The following DDX23 variants were observed in gnomAD, a reference collection of about 807,000 sequenced individuals.
DDX23 encodes the protein probable ATP-dependent RNA helicase DDX23.
A neutral mutation model predicts 102.7 loss-of-function variants in DDX23; 33 were observed. The ratio of observed to expected loss-of-function variants is 0.32; its 90% CI spans 0.24 to 0.43. DDX23 has a LOEUF of 0.43. Ranked by LOEUF, DDX23 falls within the 20% of genes least tolerant of loss-of-function variation. The probability of loss-of-function intolerance (pLI) is 1.00; values close to 1 mark genes in which losing one functional copy is unlikely to be tolerated. For missense variants in DDX23, 549 were observed against 1,086.6 expected, an observed-to-expected ratio of 0.51 and a Z score of 6.96; for synonymous variants, 352 against 376.0, an observed-to-expected ratio of 0.94 and a Z score of 0.74.
chr12:48,842,580 C>T (rs1592203421), intron 3 of DDX23, among the ~76,000 whole-genome samples: 1 of 147,360 alleles, frequency 6.8e-6, no homozygotes, highest in African/African-American at 2.5e-5. Context: ...CCAGCCGCCC[C>T]GTCCAGGAGG....
chr12:48,845,697 T>G lies in DDX23; in HGVS notation c.86A>C (p.Glu29Ala). The change falls in exon 2 of 17, where the codon GAG becomes GCG. Residue 29 changes from glutamate (E) to alanine (A), a missense_variant. Physicochemically the swap from Glu to Ala is moderately radical, Grantham distance 107 (BLOSUM62 -1). Transcript: ENST00000308025. The part of the protein sequence containing the change: ...ERKRSRTPDR[E>A]RDRDRDRKSS... ...CTTCCGGTCCCGGTCTCTATCCCGC[T>G]CTCTGTCAGGAGTCCGTGATCGCTT... 6.2e-7 allele frequency: 1 copy of G among 1,614,232 alleles called. No individual in the cohort carries two copies.
intron 8 of DDX23, 81 bp downstream of exon 8, chr12:48,837,200 A>T: frequency 6.4e-7 from 1 of 1,555,464 alleles, no homozygotes; most frequent in East Asian, 2.3e-5. Flanking sequence ...AGCTTATCTT[A>T]CTTCCTCCAC....
rs142154488 is a variant in DDX23 at position 48,835,462 on chromosome 12, C to T, written c.1382+659G>A. Among the ~76,000 whole-genome samples the T allele has an allele frequency of 2.7e-3, 407 of 152,096 alleles. 1 individual carries two copies. The highest frequency in any genetic ancestry group is 8.9e-3 in the African/African-American group (369 of 41,486). The stretch of plus-strand genomic sequence containing the variant: ...CACTGGCTCACGCCTGTAATTCCAA[C>T]ACTTTGGGAGGCTGAGGCAGGCAGA... On this transcript the variant is annotated intron_variant, in intron 11 of 16. Coordinates refer to ENST00000308025, the MANE Select transcript of DDX23 (RefSeq NM_004818.3).
chr12:48,831,690 G>A (rs774882367), intron 15 of DDX23: 18 of 425,382 alleles, frequency 4.2e-5, no homozygotes, highest in Non-Finnish European at 7.7e-5. Flanking sequence ...CTCCCCTCAA[G>A]CACCAGTGAC....
At chr12:48,834,585 G>A (rs1237941158) in intron 11 of DDX23, 88 bp from the exon 12 acceptor site, 1 of 1,258,150 alleles carries the variant, frequency 7.9e-7, no homozygotes. Context: ...CTCTTACGGG[G>A]AGCAATGGGA....
At chr12:48,837,775 T>C (rs745914111) in intron 6 of DDX23, 118 bp from the exon 7 acceptor site, 113 of 1,530,146 alleles carry the variant, frequency 7.4e-5, no homozygotes, top group South Asian at 1.4e-4. Flanking sequence ...ACTTATGATA[T>C]GGGGTAAATG....
intron 1 of DDX23, 132 bp from the exon 2 acceptor site, chr12:48,845,914 T>C: frequency 4.0e-6 from 4 of 1,004,516 alleles, no homozygotes; most frequent in Non-Finnish European, 2.9e-6. Flanking sequence ...ATGAGAACGG[T>C]GGAGCTCAGG....
rs551179584 is a variant in DDX23, at chr12:48,839,771, G to A, written c.480+73C>T. 5.4e-4 allele frequency: 802 copies of A among 1,492,582 alleles called. 6 individuals carry two copies. The highest frequency in any genetic ancestry group is 3.0e-3 in the Middle Eastern group (15 of 5,066). 92.5% of individuals were successfully genotyped at this position (1,492,582 alleles called of 1,614,324 possible). On this transcript the variant is annotated intron_variant, in intron 5 of 16. Transcript: ENST00000308025. ...AACTGTGAGAAAATTAACTTCTGTC[G>A]TTGAAGTCACCCAGTCTGTGGTATT...
In DDX23 at chr12:48,830,286, CCT is replaced by C; in HGVS notation, c.*181_*182del. On this transcript the variant is annotated 3_prime_UTR_variant, in exon 17 of 17. Transcript: ENST00000308025. The surrounding 1 kb of genome is among the most constrained non-coding windows in gnomAD (Gnocchi z 4.9). ...CTCTCCCTGCCTCCGACAGCGTCGT[CCT>C]CTCCTTTTGCAGCCCCACACGCAGG... The C allele has an allele frequency of 1.3e-6, 1 of 761,988 alleles. No homozygotes were observed. The allele number at this position is 761,988 out of a possible 1,614,324, so 47.2% of individuals were successfully genotyped here. A position where few individuals can be genotyped will look rare whatever the true frequency, so the allele number is the denominator to read the frequency against.
intron 3 of DDX23, among the ~76,000 whole-genome samples, chr12:48,843,289 A>T (rs2137492301): frequency 6.7e-6 from 1 of 149,776 alleles, no homozygotes; most frequent in East Asian, 2.0e-4. Flanking sequence ...CCCAAGAATG[A>T]TCAATTAAAA....
chr12:48,833,129 G>A (rs1938416365), intron 13 of DDX23, 148 bp downstream of exon 13: 1 of 1,193,374 alleles, frequency 8.4e-7, no homozygotes, highest in Non-Finnish European at 1.2e-6. Context: ...CACCACAGGT[G>A]TGCACCACCA....
At position 48,830,109 on chromosome 12, in the gene DDX23, T is replaced by TACAG; in HGVS notation, c.*359_*360insCTGT. On this transcript the variant is annotated 3_prime_UTR_variant, in exon 17 of 17. Coordinates refer to ENST00000308025, the MANE Select transcript of DDX23 (RefSeq NM_004818.3). The surrounding 1 kb of genome is among the most constrained non-coding windows in gnomAD (Gnocchi z 4.9). ...TTATGCAGTTACACAGTCAAGTCTG[T>TACAG]GCCAAAGGAGGTCCCATCCGGCGGC... 1 of 442,768 alleles carries TACAG rather than the reference T, an allele frequency of 2.3e-6. No homozygotes were observed. The highest frequency in any genetic ancestry group is 4.4e-6 in the Non-Finnish European group (1 of 225,778). 27.4% of individuals were successfully genotyped at this position (442,768 alleles called of 1,614,324 possible). A position where few individuals can be genotyped will look rare whatever the true frequency, so the allele number is the denominator to read the frequency against.
intron 1 of DDX23, among the ~76,000 whole-genome samples, chr12:48,847,669 A>G (rs1938690538): frequency 6.6e-6 from 1 of 151,984 alleles, no homozygotes; most frequent in Non-Finnish European, 1.5e-5. Context: ...CTCTACTAAA[A>G]ATATAAAAAA....
At chr12:48,838,199 A>T (rs1182103410) in intron 5 of DDX23, 119 bp from the exon 6 acceptor site, 6 of 1,437,888 alleles carry the variant, frequency 4.2e-6, no homozygotes, top group Non-Finnish European at 5.7e-6. Flanking sequence ...CTGTTGAGGA[A>T]AACACAAATA....
rs1462879765 is a variant in DDX23, at chr12:48,832,213, T to C, written c.1956-27A>G. The C allele has an allele frequency of 5.0e-6, 8 of 1,610,956 alleles. No individual in the cohort carries two copies. ...TGGAAGGAAGAGGAGAAAAACAAGA[T>C]GCATAATACCTCCCACTCCAAGTGA... is the stretch of plus-strand genomic sequence containing the variant. On this transcript the variant is annotated intron_variant, in intron 14 of 16. Coordinates refer to ENST00000308025, the MANE Select transcript of DDX23 (RefSeq NM_004818.3). The surrounding 1 kb of genome is among the most constrained non-coding windows in gnomAD (Gnocchi z 4.4).
chr12:48,830,270 C>T lies in DDX23; in HGVS notation c.*199G>A. The stretch of plus-strand genomic sequence containing the variant: ...AAGCTGTGGTAATTTGCTCTCCCTG[C>T]CTCCGACAGCGTCGTCCTCTCCTTT... On this transcript the variant is annotated 3_prime_UTR_variant, in exon 17 of 17. Transcript: ENST00000308025. This position sits in a 1 kb window ranked among gnomAD's most constrained non-coding sequence, Gnocchi z 4.9. 1.4e-6 allele frequency: 1 copy of T among 716,838 alleles called. No homozygotes were observed. Among genetic ancestry groups the T allele is most frequent in the Non-Finnish European group, 2.5e-6 (1 of 402,834 alleles). 44.4% of individuals were successfully genotyped at this position (716,838 alleles called of 1,614,324 possible).
At chr12:48,845,429 TG>T in intron 2 of DDX23, 144 bp downstream of exon 2, 1 of 920,816 alleles carries the variant, frequency 1.1e-6, no homozygotes. Context: ...CACTCCAGTC[TG>T]GGTAACAAAC....
At chr12:48,840,977 A>G (rs1019138294) in intron 3 of DDX23, among the ~76,000 whole-genome samples, 6 of 152,124 alleles carry the variant, frequency 3.9e-5, no homozygotes, top group African/African-American at 1.4e-4. Flanking sequence ...TCCTTTCCCC[A>G]TACCTGCTCT....
In DDX23 at chr12:48,838,052, T is replaced by A. The variant is rs753586760; in HGVS notation, c.509A>T (p.Glu170Val). ...CTGCCGTCGCTTTAGAGCTTCAGCC[T>A]CTCGTTCTGCTTTAGAGAGGAACTT... Reference protein sequence around the residue: ...KPKFLSKAEREAEALKRRQQE... With the variant: ...KPKFLSKAERVAEALKRRQQE... The change falls in exon 6 of 17, where the codon GAG (glutamate) becomes GTG (valine). Residue 170 changes from glutamate to valine, a missense_variant. Glu to Val is a moderately radical substitution (Grantham distance 121). Around this residue, in one of 4 missense-constraint regions of DDX23, gnomAD observed 241 missense variants for 267.0 expected, o/e 0.90. Transcript: ENST00000308025. The A allele has an allele frequency of 1.2e-6, 2 of 1,614,226 alleles. No homozygotes were observed. Among genetic ancestry groups the A allele is most frequent in the South Asian group, 1.1e-5 (1 of 91,082 alleles).
Sources: allele counts gnomAD v4.1 joint callset (sites outside exome capture counted in the v4.1 genomes callset), GRCh38; gene constraint gnomAD v4.1.1; regional missense constraint gnomAD v4.1.1; non-coding constraint Gnocchi (gnomAD v3.1); transcripts MANE v1.5; gene names NCBI Gene and HGNC (gene_info 2026-07-23, HGNC 2026-07-21).